ZDHHC2: variants seen among roughly 807,000 people sequenced by gnomAD.
The protein encoded by ZDHHC2 is palmitoyltransferase ZDHHC2.
Under a neutral mutation model 55.6 loss-of-function variants are expected in ZDHHC2, and 51 were observed. That is an observed-to-expected ratio of 0.92 (90% CI 0.73 to 1.16). The LOEUF (loss-of-function observed/expected upper bound fraction) is 1.16, where lower values mean the gene tolerates loss of function less well. ZDHHC2 is among the 50% of genes most tolerant of loss of function. ZDHHC2 has a pLI of 0.00. For missense variants in ZDHHC2, 491 were observed against 442.4 expected (o/e 1.11, Z -0.99); for synonymous variants, 199 against 152.9 (o/e 1.30, Z -2.22).
At chr8:17,175,387 C>G (rs1368283990) in intron 1 of ZDHHC2, among the ~76,000 whole-genome samples, 1 of 152,212 alleles carries the variant, frequency 6.6e-6, no homozygotes, top group Non-Finnish European at 1.5e-5. Context: ...GCTTAAAAGG[C>G]TTTCCAGCAG....
intron 11 of ZDHHC2, 90 bp from the exon 12 acceptor site, chr8:17,217,082 C>T (rs991485005): frequency 3.1e-6 from 4 of 1,309,510 alleles, no homozygotes; most frequent in Admixed American, 4.1e-5. Flanking sequence ...GGAAGTCTAC[C>T]AAGGGATTCC....
At chr8:17,183,455 C>G (rs1379358477) in intron 1 of ZDHHC2, among the ~76,000 whole-genome samples, 1 of 152,220 alleles carries the variant, frequency 6.6e-6, no homozygotes, top group Non-Finnish European at 1.5e-5. Flanking sequence ...TAGCCTCTGA[C>G]TTACAAGCGG....
At chr8:17,183,590 G>A (rs1360304475) in intron 1 of ZDHHC2, among the ~76,000 whole-genome samples, 3 of 152,188 alleles carry the variant, frequency 2.0e-5, no homozygotes, top group Non-Finnish European at 4.4e-5. Context: ...ATCTACGTTA[G>A]TAAGAGATCT....
At chr8:17,193,923 C>A (rs1020292186) in intron 3 of ZDHHC2, among the ~76,000 whole-genome samples, 1 of 152,168 alleles carries the variant, frequency 6.6e-6, no homozygotes, top group African/African-American at 2.4e-5. Context: ...TCCCCTAGAT[C>A]CCCACCCCAC....
At chr8:17,161,854 C>G (rs1278272051) in intron 1 of ZDHHC2, among the ~76,000 whole-genome samples, 1 of 151,938 alleles carries the variant, frequency 6.6e-6, no homozygotes, top group Non-Finnish European at 1.5e-5. Context: ...GAGCGAGACC[C>G]TGTCTCAAAA....
At chr8:17,213,294 C>A (rs368980608) in intron 10 of ZDHHC2, among the ~76,000 whole-genome samples, 1 of 151,652 alleles carries the variant, frequency 6.6e-6, no homozygotes, top group African/African-American at 2.4e-5. Flanking sequence ...CATTCTATCA[C>A]CCCGTCTGGA....
intron 6 of ZDHHC2, among the ~76,000 whole-genome samples, chr8:17,199,465 A>ACTTCTTCTTCTTCTTCTTCTTCTT (rs377014817): frequency 3.0e-5 from 3 of 98,558 alleles, no homozygotes; most frequent in African/African-American, 8.0e-5. Flanking sequence ...CTTTAATAAG[A>ACTTCTTCTTCTTCTTCTTCTTCTT]CTTCTTCTTC....
At chr8:17,162,447 C>G (rs778953923) in intron 1 of ZDHHC2, among the ~76,000 whole-genome samples, 1 of 152,154 alleles carries the variant, frequency 6.6e-6, no homozygotes, top group Non-Finnish European at 1.5e-5. Flanking sequence ...TTGGTACTTG[C>G]AGGAATGTTT....
At chr8:17,212,913 A>T (rs1387864251) in intron 10 of ZDHHC2, among the ~76,000 whole-genome samples, 1 of 151,934 alleles carries the variant, frequency 6.6e-6, no homozygotes, top group African/African-American at 2.4e-5. Flanking sequence ...CCCAGGCCGG[A>T]GTGCAGTTTT....
intron 1 of ZDHHC2, among the ~76,000 whole-genome samples, chr8:17,164,954 C>G (rs1017461612): frequency 6.6e-6 from 1 of 152,120 alleles, no homozygotes; most frequent in African/African-American, 2.4e-5. Flanking sequence ...GTCCCTCATC[C>G]CTTTGGATCC....
chr8:17,215,848 C>A (rs1585744672), intron 11 of ZDHHC2, among the ~76,000 whole-genome samples: 1 of 152,282 alleles, frequency 6.6e-6, no homozygotes, highest in Non-Finnish European at 1.5e-5. Flanking sequence ...TTGTTGATTT[C>A]AATCTTTTGT....
intron 1 of ZDHHC2, among the ~76,000 whole-genome samples, chr8:17,169,118 A>C (rs957800928): frequency 2.0e-5 from 3 of 152,132 alleles, no homozygotes; most frequent in Admixed American, 2.0e-4. Flanking sequence ...TTTCTGGAGC[A>C]GGTGATTTTT....
intron 1 of ZDHHC2, among the ~76,000 whole-genome samples, chr8:17,168,190 C>T (rs1179027174): frequency 2.0e-5 from 3 of 152,114 alleles, no homozygotes; most frequent in Non-Finnish European, 4.4e-5. Context: ...TCAAGGAAGA[C>T]CGGAATTTTG....
At chr8:17,163,083 G>A (rs1804427920) in intron 1 of ZDHHC2, among the ~76,000 whole-genome samples, 2 of 152,234 alleles carry the variant, frequency 1.3e-5, no homozygotes, top group Admixed American at 1.3e-4. Flanking sequence ...CCTTGTGGGT[G>A]AAACTGGGCA....
chr8:17,189,804 G>A (rs1190368133), intron 3 of ZDHHC2, among the ~76,000 whole-genome samples: 1 of 152,186 alleles, frequency 6.6e-6, no homozygotes, highest in African/African-American at 2.4e-5. Context: ...AGGCTTCATT[G>A]TGTGATTTTT....
chr8:17,216,157 A>T (rs182132233), intron 11 of ZDHHC2, among the ~76,000 whole-genome samples: 1 of 152,356 alleles, frequency 6.6e-6, no homozygotes, highest in East Asian at 1.9e-4. Flanking sequence ...CTTCAGATTG[A>T]CTACTAACCT....
intron 11 of ZDHHC2, among the ~76,000 whole-genome samples, chr8:17,216,194 A>C (rs750548016): frequency 6.6e-6 from 1 of 152,194 alleles, no homozygotes; most frequent in African/African-American, 2.4e-5. Flanking sequence ...AGTCTTTTCA[A>C]ATAAACCAGT....
intron 1 of ZDHHC2, among the ~76,000 whole-genome samples, chr8:17,178,108 G>A (rs1805240488): frequency 6.6e-6 from 1 of 152,132 alleles, no homozygotes; most frequent in South Asian, 2.1e-4. Flanking sequence ...AGCCATGTAA[G>A]TATCTGAAAG....
intron 1 of ZDHHC2, among the ~76,000 whole-genome samples, chr8:17,178,654 G>A (rs1805273474): frequency 6.6e-6 from 1 of 152,164 alleles, no homozygotes; most frequent in African/African-American, 2.4e-5. Context: ...AAGGGTTCTA[G>A]GATTAAATGA....
Sources: gnomAD v4.1 joint callset for allele counts (sites outside exome capture counted in the v4.1 genomes callset) on GRCh38, gnomAD v4.1.1 for gene constraint, MANE v1.5 for transcripts, NCBI Gene and HGNC (gene_info 2026-07-23, HGNC 2026-07-21) for gene names.